PRKCE: variants seen among roughly 807,000 people sequenced by gnomAD.
PRKCE encodes protein kinase C epsilon type.
Under a neutral mutation model 85.4 loss-of-function variants are expected in PRKCE, and 16 were observed. The ratio of observed to expected loss-of-function variants is 0.19; its 90% CI spans 0.13 to 0.28. PRKCE has a LOEUF of 0.28. Among genes scored for constraint, PRKCE ranks in the 10% least tolerant of loss-of-function variants. The probability of loss-of-function intolerance (pLI) is 1.00; values close to 1 mark genes in which losing one functional copy is unlikely to be tolerated. For missense variants in PRKCE, 573 were observed against 975.2 expected (o/e 0.59, Z 5.49); for synonymous variants, 388 against 371.5 (o/e 1.04, Z -0.51).
intron 6 of PRKCE, among the ~76,000 whole-genome samples, chr2:45,987,944 G>A (rs1415450247): frequency 6.6e-6 from 1 of 152,198 alleles, no homozygotes; most frequent in Non-Finnish European, 1.5e-5. Flanking sequence ...TCTAAGCCTG[G>A]TTCTGCTACT....
At chr2:46,025,344 C>T (rs1707019472) in intron 10 of PRKCE, among the ~76,000 whole-genome samples, 1 of 152,200 alleles carries the variant, frequency 6.6e-6, no homozygotes, top group Non-Finnish European at 1.5e-5. Context: ...CTTCAGTATA[C>T]ATTAGACAAC....
intron 14 of PRKCE, among the ~76,000 whole-genome samples, chr2:46,177,434 T>C (rs1376076432): frequency 1.3e-5 from 2 of 152,234 alleles, no homozygotes; most frequent in East Asian, 3.8e-4. Flanking sequence ...GGCAGGGTCT[T>C]GCTCCCTCTG....
At chr2:46,005,780 TTC>T (rs1375039333) in intron 8 of PRKCE, among the ~76,000 whole-genome samples, 1 of 152,234 alleles carries the variant, frequency 6.6e-6, no homozygotes, top group East Asian at 1.9e-4. Context: ...CCAATTAACT[TTC>T]TGTGTCTTTA....
chr2:45,960,590 G>A (rs1415446525), intron 2 of PRKCE, among the ~76,000 whole-genome samples: 3 of 152,194 alleles, frequency 2.0e-5, no homozygotes, highest in African/African-American at 7.2e-5. Context: ...TCTGACAGGA[G>A]GTGGAGCTCA....
intron 14 of PRKCE, among the ~76,000 whole-genome samples, chr2:46,165,230 GCTCTCTTACGTA>G (rs1678221160): frequency 3.3e-5 from 5 of 152,154 alleles, no homozygotes; most frequent in Non-Finnish European, 2.9e-5. Context: ...CGTTCTCTCA[GCTCTCTTACGTA>G]CTCTCCCTCC....
chr2:46,181,482 C>A (rs1430569104), intron 14 of PRKCE, among the ~76,000 whole-genome samples: 1 of 152,222 alleles, frequency 6.6e-6, no homozygotes, highest in African/African-American at 2.4e-5. Flanking sequence ...CCTCAAGAAT[C>A]TCAGAGCTGA....
In PRKCE at chr2:45,742,221, A is replaced by G. The variant is rs893582590; in HGVS notation, c.348+89773A>G. On this transcript the variant is annotated intron_variant, in intron 1 of 14. Transcript: ENST00000306156. ...AACCATATATCCAATAAGGGTAACT[A>G]TCCAAAATATATAAGGAACTTACAT... Among the ~76,000 whole-genome samples, 14 of 152,194 alleles carry G rather than the reference A, an allele frequency of 9.2e-5. 1 individual carries two copies. Among genetic ancestry groups the G allele is most frequent in the African/African-American group, 3.4e-4 (14 of 41,454 alleles).
chr2:45,971,065 A>G (rs1321111403), intron 2 of PRKCE, among the ~76,000 whole-genome samples: 3 of 152,152 alleles, frequency 2.0e-5, no homozygotes, highest in African/African-American at 7.2e-5. Context: ...AATTAAGTAT[A>G]CAATGCAGTG....
intron 13 of PRKCE, 35 bp downstream of exon 13, chr2:46,151,264 C>G: frequency 6.5e-7 from 1 of 1,526,720 alleles, no homozygotes; most frequent in Admixed American, 1.7e-5. Context: ...GCTGTGCTCT[C>G]CTGGGCTCCT....
At chr2:46,032,244 G>T (rs1002557931) in intron 10 of PRKCE, among the ~76,000 whole-genome samples, 2 of 151,492 alleles carry the variant, frequency 1.3e-5, no homozygotes, top group Non-Finnish European at 3.0e-5. Flanking sequence ...ATCTTTCTTT[G>T]ACAGATGAGG....
chr2:46,125,842 T>C (rs1673795691), intron 11 of PRKCE, among the ~76,000 whole-genome samples: 1 of 152,218 alleles, frequency 6.6e-6, no homozygotes, highest in Non-Finnish European at 1.5e-5. Flanking sequence ...ATTGCATACA[T>C]GATTACTGCC....
Position 46,159,613 on chromosome 2 carries a change from C to G in PRKCE, c.1928C>G (p.Thr643Arg). 4 of 1,594,154 alleles carry G rather than the reference C, an allele frequency of 2.5e-6. No individual in the cohort carries two copies. The highest frequency in any genetic ancestry group is 1.1e-5 in the South Asian group (1 of 89,972). ...CTGTCCTCATCCCTGCAGTTCATGA[C>G]GAAGAATCCCCACAAGCGCCTGGGC... ...EAVSILKAFM[T>R]KNPHKRLGCV... The change falls in exon 14 of 15, where the codon ACG (threonine) becomes AGG (arginine). Residue 643 changes from threonine (T) to arginine (R), a missense_variant. This residue lies in a region of PRKCE where 72 missense variants were observed against 166.0 expected (regional missense o/e 0.43). Coordinates refer to ENST00000306156, the MANE Select transcript of PRKCE (RefSeq NM_005400.3). This position sits in a 1 kb window ranked among gnomAD's most constrained non-coding sequence, Gnocchi z 4.1.
chr2:45,711,899 A>G (rs918726035), intron 1 of PRKCE, among the ~76,000 whole-genome samples: 2 of 152,180 alleles, frequency 1.3e-5, no homozygotes, highest in African/African-American at 4.8e-5. Flanking sequence ...CTGGGATTAC[A>G]GGCATGAGCC....
intron 1 of PRKCE, among the ~76,000 whole-genome samples, chr2:45,811,407 T>G (rs912688029): frequency 2.6e-5 from 4 of 152,164 alleles, no homozygotes; most frequent in African/African-American, 9.7e-5. Flanking sequence ...CAGAGTACTG[T>G]TTGAGCTGGA....
intron 1 of PRKCE, among the ~76,000 whole-genome samples, chr2:45,744,473 CTTTCTTTCTTTCTTTTTCTT>C (rs1682915732): frequency 2.6e-5 from 1 of 39,098 alleles, no homozygotes; most frequent in African/African-American, 9.5e-5. Context: ...TTCTTTCTTT[CTTTCTTTCTTTCTTTTTCTT>C]TCTTTCTTTT....
In PRKCE at chr2:45,983,813, C is replaced by T. The variant is rs181266814; in HGVS notation, c.694-738C>T. 7.9e-4 allele frequency among the ~76,000 whole-genome samples: 120 copies of T among 152,288 alleles called. No individual in the cohort carries two copies. The South Asian group carries it at 0.014, about 18-fold the overall frequency. On this transcript the variant is annotated intron_variant, in intron 5 of 14. Coordinates refer to ENST00000306156, the MANE Select transcript of PRKCE (RefSeq NM_005400.3). ...ATTGTTGTCCGTTCTGACTGATCCA[C>T]AGTTTCCACAACATTGTGCAGAGTT...
At chr2:46,129,646 C>A (rs2104396479) in intron 11 of PRKCE, among the ~76,000 whole-genome samples, 1 of 152,326 alleles carries the variant, frequency 6.6e-6, no homozygotes, top group South Asian at 2.1e-4. Context: ...GAGCCCTGGG[C>A]TGACTGTCTC....
intron 2 of PRKCE, among the ~76,000 whole-genome samples, chr2:45,874,622 A>T (rs1459250282): frequency 6.6e-6 from 1 of 152,190 alleles, no homozygotes; most frequent in Non-Finnish European, 1.5e-5. Flanking sequence ...TGTGTCAAAT[A>T]TCCAGCTCAG....
At chr2:45,812,959 C>A (rs1688756780) in intron 1 of PRKCE, among the ~76,000 whole-genome samples, 3 of 152,106 alleles carry the variant, frequency 2.0e-5, no homozygotes, top group Non-Finnish European at 4.4e-5. Flanking sequence ...TTAAGAAGTA[C>A]CTTAAAGTTT....
Sources: allele counts gnomAD v4.1 joint callset (sites outside exome capture counted in the v4.1 genomes callset), GRCh38; gene constraint gnomAD v4.1.1; regional missense constraint gnomAD v4.1.1; non-coding constraint Gnocchi (gnomAD v3.1); transcripts MANE v1.5; gene names NCBI Gene and HGNC (gene_info 2026-07-23, HGNC 2026-07-21).